SLC3A2: variants seen among roughly 807,000 people sequenced by gnomAD.
SLC3A2 encodes the protein amino acid transporter heavy chain SLC3A2.
A neutral mutation model predicts 48.5 loss-of-function variants in SLC3A2; 32 were observed. The observed-to-expected ratio is 0.66, with a 90% CI of 0.50 to 0.89. The LOEUF (loss-of-function observed/expected upper bound fraction) is 0.89, where lower values mean the gene tolerates loss of function less well. SLC3A2 is among the 40% of genes least tolerant of loss of function. SLC3A2 has a pLI of 0.00. For missense variants in SLC3A2, 587 were observed against 680.7 expected, an observed-to-expected ratio of 0.86 and a Z score of 1.53; for synonymous variants, 277 against 288.8, an observed-to-expected ratio of 0.96 and a Z score of 0.41.
chr11:62,881,114 G>C lies in SLC3A2; in HGVS notation c.91G>C (p.Ala31Pro), dbSNP rs369997854. 2.7e-5 allele frequency: 43 copies of C among 1,608,456 alleles called. No individual in the cohort carries two copies. Among genetic ancestry groups the C allele is most frequent in the Non-Finnish European group, 3.4e-5 (40 of 1,178,112 alleles). The part of the protein sequence containing the change: ...KQPMNAASGA[A>P]MSLAGAEKNG... Reference sequence around the variant, plus strand: ...GCCGATGAACGCGGCGTCTGGGGCGGCCATGTCCCTGGCGGGAGCCGAGAA... The same window carrying C: ...GCCGATGAACGCGGCGTCTGGGGCGCCCATGTCCCTGGCGGGAGCCGAGAA... Residue 31 changes from alanine to proline, a missense_variant, in exon 1 of 9, where the codon GCC becomes CCC. Around this residue, in one of 3 missense-constraint regions of SLC3A2, gnomAD observed 409 missense variants for 446.7 expected, o/e 0.92. Coordinates refer to ENST00000338663, the MANE Select transcript of SLC3A2 (RefSeq NM_001013251.3). This position sits in a 1 kb window ranked among gnomAD's most constrained non-coding sequence, Gnocchi z 4.0.
intron 1 of SLC3A2, among the ~76,000 whole-genome samples, chr11:62,869,354 C>T (rs1455852319): frequency 2.0e-5 from 3 of 151,210 alleles, no homozygotes; most frequent in Non-Finnish European, 2.9e-5. Context: ...GAAACCCTGT[C>T]TCTACTAAAA....
chr11:62,878,667 C>T (rs1276951812), upstream of SLC3A2, among the ~76,000 whole-genome samples: 176 of 143,482 alleles, frequency 1.2e-3, no homozygotes, highest in African/African-American at 4.3e-3. Flanking sequence ...TTAGTAGAGA[C>T]GGGGTTTCAC....
chr11:62,878,239 A>G (rs2085589917), upstream of SLC3A2, among the ~76,000 whole-genome samples: 1 of 151,896 alleles, frequency 6.6e-6, no homozygotes, highest in African/African-American at 2.4e-5. Flanking sequence ...ATACTGTGTC[A>G]TGTTGGACCA....
At chr11:62,884,976 C>T (rs1431334849) in intron 5 of SLC3A2, among the ~76,000 whole-genome samples, 8 of 151,722 alleles carry the variant, frequency 5.3e-5, no homozygotes, top group South Asian at 2.1e-4. Context: ...GGATTACAGA[C>T]GCGGGCCACC....
chr11:62,884,773 C>G, intron 5 of SLC3A2, 83 bp downstream of exon 5: 1 of 919,332 alleles, frequency 1.1e-6, no homozygotes, highest in South Asian at 1.8e-5. Context: ...GGGGGGATTC[C>G]TAGTCTAGAG....
intron 1 of SLC3A2, among the ~76,000 whole-genome samples, chr11:62,870,060 G>A (rs1163155550): frequency 6.6e-6 from 1 of 152,060 alleles, no homozygotes; most frequent in Non-Finnish European, 1.5e-5. Flanking sequence ...GTCTCCCAAA[G>A]TGCTGGGATT....
chr11:62,868,794 T>C (rs2134985280), intron 1 of SLC3A2, among the ~76,000 whole-genome samples: 1 of 152,362 alleles, frequency 6.6e-6, no homozygotes, highest in South Asian at 2.1e-4. Context: ...ATATTGCCAA[T>C]CTGACGGACA....
chr11:62,863,301 T>C (rs989256218), intron 1 of SLC3A2, among the ~76,000 whole-genome samples: 5 of 152,068 alleles, frequency 3.3e-5, no homozygotes, highest in African/African-American at 7.2e-5. Context: ...CTCACTGCAG[T>C]GTTGAACTCC....
intron 1 of SLC3A2, among the ~76,000 whole-genome samples, chr11:62,869,026 A>T (rs893441997): frequency 6.6e-6 from 1 of 151,348 alleles, no homozygotes; most frequent in Non-Finnish European, 1.5e-5. Flanking sequence ...AGCCTCCCGA[A>T]TAGCTGGGAC....
At position 62,867,935 on chromosome 11, in the gene SLC3A2, T is replaced by G. The variant is rs564728123; in HGVS notation, c.112+11554T>G. On this transcript the variant is annotated intron_variant, in intron 1 of 9. Transcript: ENST00000377889. ...AATTATTTTTCAAAAAAAATTTTTTTTTTTTGAGACAGTCTCACTCTTGTC... is the reference window on the plus strand; with the variant it reads ...AATTATTTTTCAAAAAAAATTTTTTGTTTTTGAGACAGTCTCACTCTTGTC... Among the ~76,000 whole-genome samples, 84 of 152,186 alleles carry G rather than the reference T, an allele frequency of 5.5e-4. 1 individual carries two copies. The highest frequency in any genetic ancestry group is 1.9e-3 in the African/African-American group (77 of 41,526).
At chr11:62,884,574 G>T in intron 4 of SLC3A2, 49 bp downstream of exon 4, 2 of 1,613,058 alleles carry the variant, frequency 1.2e-6, no homozygotes. Context: ...AGAACAGAGG[G>T]ACTCAGCTAG....
At chr11:62,868,608 G>T (rs1231325942) in intron 1 of SLC3A2, among the ~76,000 whole-genome samples, 4 of 151,378 alleles carry the variant, frequency 2.6e-5, no homozygotes, top group African/African-American at 9.7e-5. Context: ...CTCGTGATCT[G>T]CCCGCCTCGG....
chr11:62,865,398 C>T (rs1236767699), intron 1 of SLC3A2, among the ~76,000 whole-genome samples: 1 of 151,834 alleles, frequency 6.6e-6, no homozygotes, highest in East Asian at 1.9e-4. Context: ...ACTAAAAATA[C>T]AAAAATTAGC....
intron 1 of SLC3A2, among the ~76,000 whole-genome samples, chr11:62,857,525 A>G (rs1434932949): frequency 6.6e-6 from 1 of 151,728 alleles, no homozygotes; most frequent in Non-Finnish European, 1.5e-5. Context: ...GATCTCTACA[A>G]AAAAAATAGA....
At position 62,884,586 on chromosome 11, in the gene SLC3A2, G is replaced by A. The variant is rs747821704; in HGVS notation, c.760-46G>A. On this transcript the variant is annotated intron_variant, in intron 4 of 8. Transcript: ENST00000338663. The stretch of plus-strand genomic sequence containing the variant: ...GCGAGAACAGAGGGACTCAGCTAGA[G>A]CCTCATAATATTCTCTGGTCCTTGA... 2.5e-6 allele frequency: 4 copies of A among 1,613,272 alleles called. No homozygotes were observed. The African/African-American group carries it at 4.0e-5, about 16-fold the overall frequency.
chr11:62,871,476 G>T, intron 1 of SLC3A2: 1 of 416,900 alleles, frequency 2.4e-6, no homozygotes, highest in Non-Finnish European at 4.2e-6. Flanking sequence ...CTGATCTCAG[G>T]TTATCCGCCC....
chr11:62,874,247 A>G (rs570965379), intron 1 of SLC3A2, among the ~76,000 whole-genome samples: 7 of 152,004 alleles, frequency 4.6e-5, no homozygotes, highest in African/African-American at 1.7e-4. Flanking sequence ...ATTGCTACTT[A>G]TCTTTTTTGA....
chr11:62,880,891 T>A, upstream of SLC3A2: 1 of 1,436,604 alleles, frequency 7.0e-7, no homozygotes. Context: ...CGCCTGCTGC[T>A]GAGCAGATGC....
chr11:62,875,039 A>T (rs1344962526), intron 1 of SLC3A2, among the ~76,000 whole-genome samples: 1 of 152,216 alleles, frequency 6.6e-6, no homozygotes, highest in Non-Finnish European at 1.5e-5. Context: ...CTGGGATTAC[A>T]GGCATGAGCC....
Sources: gnomAD v4.1 joint callset for allele counts (sites outside exome capture counted in the v4.1 genomes callset) on GRCh38, gnomAD v4.1.1 for gene constraint, gnomAD v4.1.1 regional missense constraint, Gnocchi (gnomAD v3.1) non-coding constraint, MANE v1.5 for transcripts, NCBI Gene and HGNC (gene_info 2026-07-23, HGNC 2026-07-21) for gene names.